The following TMEM185A variants were observed in gnomAD, a reference collection of about 807,000 sequenced individuals.
The protein encoded by TMEM185A is family with sequence similarity 11, member A.
A neutral mutation model predicts 25.0 loss-of-function variants in TMEM185A; 9 were observed. The observed-to-expected ratio is 0.36, with a 90% confidence interval of 0.22 to 0.63. The LOEUF (loss-of-function observed/expected upper bound fraction) is 0.63. TMEM185A is among the 20% of genes least tolerant of loss of function. TMEM185A has a pLI of 0.68. For missense variants in TMEM185A, 103 were observed against 237.4 expected, an observed-to-expected ratio of 0.43 and a Z score of 3.72; for synonymous variants, 45 against 93.5, an observed-to-expected ratio of 0.48 and a Z score of 2.99.
intron 1 of TMEM185A, among the ~76,000 whole-genome samples, chrX:149,625,007 G>T (rs2090156885): frequency 8.9e-6 from 1 of 112,215 alleles, no homozygotes; most frequent in African/African-American, 3.2e-5. Flanking sequence ...AAAGACAAAA[G>T]TTCTGCCACA....
intron 1 of TMEM185A, among the ~76,000 whole-genome samples, chrX:149,612,730 C>T (rs2090090353): frequency 8.9e-6 from 1 of 111,929 alleles, no homozygotes; most frequent in Non-Finnish European, 1.9e-5. Flanking sequence ...GAATGCTTAT[C>T]AGGGGACTCT....
In TMEM185A at chrX:149,606,476, C is replaced by T. The variant is rs149515195; in HGVS notation, c.423+2151G>A. ...CAGCACATGCTCTGTGGGCTGAGGACGTGGCCCCTATTTGCCCCAATCCCT... is the reference window on the plus strand; with the variant it reads ...CAGCACATGCTCTGTGGGCTGAGGATGTGGCCCCTATTTGCCCCAATCCCT... On this transcript the variant is annotated intron_variant, in intron 3 of 6. Coordinates refer to ENST00000600449, the MANE Select transcript of TMEM185A (RefSeq NM_032508.4). Among the ~76,000 whole-genome samples, 548 of 112,834 alleles carry T rather than the reference C, an allele frequency of 4.9e-3. 5 individuals carry two copies. Among genetic ancestry groups the T allele is most frequent in the African/African-American group, 0.017 (520 of 31,053 alleles).
intron 3 of TMEM185A, among the ~76,000 whole-genome samples, chrX:149,605,000 C>T (rs903656016): frequency 1.8e-5 from 2 of 111,917 alleles, no homozygotes; most frequent in African/African-American, 6.5e-5. Flanking sequence ...TCTTCTCTCC[C>T]GACTAGGAAG....
intron 1 of TMEM185A, among the ~76,000 whole-genome samples, chrX:149,615,650 T>C (rs1429160982): frequency 8.9e-6 from 1 of 111,864 alleles, no homozygotes; most frequent in Non-Finnish European, 1.9e-5. Flanking sequence ...CATTTCTATA[T>C]AGTAGCTATC....
chrX:149,613,269 C>T (rs1469259202), intron 1 of TMEM185A, among the ~76,000 whole-genome samples: 2 of 112,060 alleles, frequency 1.8e-5, no homozygotes, highest in Admixed American at 1.9e-4. Flanking sequence ...ATCACATAAG[C>T]CCTTAAGAAA....
At position 149,616,152 on chromosome X, in the gene TMEM185A, T is replaced by C. The variant is rs1240419275; in HGVS notation, c.39-4689A>G. On this transcript the variant is annotated intron_variant, in intron 1 of 6. Coordinates refer to ENST00000600449, the MANE Select transcript of TMEM185A (RefSeq NM_032508.4). ...GGGACTAGAGTCAACTTGTGATTTT[T>C]AAAGGGACACATTCAGTTCATAACT... 3.5e-4 allele frequency among the ~76,000 whole-genome samples: 39 copies of C among 112,289 alleles called. 1 individual carries two copies. Among genetic ancestry groups the C allele is most frequent in the Non-Finnish European group, 3.8e-5 (2 of 53,253 alleles).
chrX:149,604,245 G>T (rs1557352940), intron 3 of TMEM185A, among the ~76,000 whole-genome samples, 175 bp from the exon 4 acceptor site: 2 of 108,033 alleles, frequency 1.9e-5, no homozygotes, highest in East Asian at 2.9e-4. Context: ...CAGTATTATG[G>T]CAAGGGGAAA....
At chrX:149,618,586 C>T (rs1322625111) in intron 1 of TMEM185A, among the ~76,000 whole-genome samples, 5 of 111,368 alleles carry the variant, frequency 4.5e-5, no homozygotes, top group East Asian at 2.8e-4. Flanking sequence ...AAAATTTTGA[C>T]GTTTAACTCT....
At chrX:149,623,279 T>C (rs1557355689) in intron 1 of TMEM185A, among the ~76,000 whole-genome samples, 1 of 111,393 alleles carries the variant, frequency 9.0e-6, no homozygotes, top group African/African-American at 3.3e-5. Context: ...AGCCAGAAGT[T>C]GGCTGTGGTA....
intron 1 of TMEM185A, among the ~76,000 whole-genome samples, chrX:149,621,361 T>C (rs1027909966): frequency 9.8e-5 from 11 of 112,192 alleles, no homozygotes; most frequent in Non-Finnish European, 1.9e-4. Flanking sequence ...GGGATTATTT[T>C]ATGTGGTTTT....
chrX:149,602,482 G>A (rs1476995951), intron 4 of TMEM185A, among the ~76,000 whole-genome samples: 4 of 112,171 alleles, frequency 3.6e-5, no homozygotes, highest in Non-Finnish European at 7.5e-5. Flanking sequence ...TTTCTTCCCC[G>A]TTCCCCATTC....
At position 149,631,408 on chromosome X, in the gene TMEM185A, C is replaced by A. The variant is rs375683363; in HGVS notation, c.38+135G>T. 2,095 of 742,841 alleles carry A rather than the reference C, an allele frequency of 2.8e-3. 30 individuals are homozygous for A. The African/African-American group carries it at 0.043, about 15-fold the overall frequency. 61.2% of individuals were successfully genotyped at this position (742,841 alleles called of 1,213,427 possible). A position where few individuals can be genotyped will look rare whatever the true frequency, so the allele number is the denominator to read the frequency against. ...GTTTTGCCTGGGGACCGCTTGCACC[C>A]GCAGGGAGGCTCGGGCAGGCGCCCG... On this transcript the variant is annotated intron_variant, in intron 1 of 6. Transcript: ENST00000600449.
At chrX:149,628,355 A>G (rs1482427736) in intron 1 of TMEM185A, among the ~76,000 whole-genome samples, 2 of 112,086 alleles carry the variant, frequency 1.8e-5, no homozygotes, top group African/African-American at 6.5e-5. Flanking sequence ...CTACTCTAAG[A>G]ACAGGGCTCT....
At chrX:149,619,394 A>C (rs1298302562) in intron 1 of TMEM185A, among the ~76,000 whole-genome samples, 3 of 111,979 alleles carry the variant, frequency 2.7e-5, no homozygotes, top group Non-Finnish European at 5.6e-5. Context: ...TACCATTTAC[A>C]AAAAATACCA....
chrX:149,631,408 C>G, intron 1 of TMEM185A, 135 bp downstream of exon 1: 1 of 744,814 alleles, frequency 1.3e-6, no homozygotes. Context: ...CGCTTGCACC[C>G]GCAGGGAGGC....
At chrX:149,626,734 C>T (rs1557356058) in intron 1 of TMEM185A, among the ~76,000 whole-genome samples, 1 of 112,128 alleles carries the variant, frequency 8.9e-6, no homozygotes, top group Non-Finnish European at 1.9e-5. Flanking sequence ...GGGAGTGTAG[C>T]AGGGCAACAG....
At chrX:149,609,305 C>G (rs918319196) in intron 2 of TMEM185A, among the ~76,000 whole-genome samples, 1 of 112,672 alleles carries the variant, frequency 8.9e-6, no homozygotes, top group Non-Finnish European at 1.9e-5. Flanking sequence ...ATAAAAATAA[C>G]TCTAGTTCTA....
At chrX:149,631,309 T>G (rs59079761) in intron 1 of TMEM185A, among the ~76,000 whole-genome samples, 2,697 of 110,461 alleles carry the variant, frequency 0.024, 90 homozygotes, top group African/African-American at 0.085. Flanking sequence ...GGCCGGGCCC[T>G]TCCGGCCGTG....
chrX:149,605,318 C>T (rs2090042285), intron 3 of TMEM185A: 1 of 94,170 alleles, frequency 1.1e-5, no homozygotes, highest in East Asian at 3.3e-4. Context: ...ACTATGGCCT[C>T]CCATGTCACT....
Sources: gnomAD v4.1 joint callset for allele counts (sites outside exome capture counted in the v4.1 genomes callset) on GRCh38, gnomAD v4.1.1 for gene constraint, MANE v1.5 for transcripts, NCBI Gene and HGNC (gene_info 2026-07-23, HGNC 2026-07-21) for gene names.